ABCA10: variants seen among roughly 807,000 people sequenced by gnomAD.
The protein encoded by ABCA10 is ATP binding cassette subfamily A member 10, also known as ATP-binding cassette sub-family A member 10.
Under a neutral mutation model 187.5 loss-of-function variants are expected in ABCA10, and 169 were observed. That is an observed-to-expected ratio of 0.90 (90% CI 0.80 to 1.02). ABCA10 has a LOEUF of 1.02. ABCA10 is among the 50% of genes least tolerant of loss of function. ABCA10 has a pLI of 0.00. For missense variants in ABCA10, 1,727 were observed against 1,812.4 expected, an observed-to-expected ratio of 0.95 and a Z score of 0.86; for synonymous variants, 574 against 601.8, an observed-to-expected ratio of 0.95 and a Z score of 0.68.
chr17:69,163,688 G>T (rs552342106), intron 27 of ABCA10, among the ~76,000 whole-genome samples: 1 of 152,142 alleles, frequency 6.6e-6, no homozygotes, highest in African/African-American at 2.4e-5. Context: ...CGCTTTCATT[G>T]TCTTTCCCCA....
chr17:69,223,770 G>C (rs2074770799), intron 3 of ABCA10: 2 of 370,320 alleles, frequency 5.4e-6, no homozygotes, highest in African/African-American at 4.4e-5. Context: ...AAAAGCAAGA[G>C]TTAGATAAAT....
chr17:69,232,913 T>C (rs1298772240), upstream of ABCA10: 1 of 152,256 alleles, frequency 6.6e-6, no homozygotes, highest in Non-Finnish European at 1.5e-5. Flanking sequence ...AGGTTTCTGC[T>C]GGAAAAGTCT....
At chr17:69,179,176 C>G (rs2074359164) in intron 22 of ABCA10, among the ~76,000 whole-genome samples, 1 of 145,026 alleles carries the variant, frequency 6.9e-6, no homozygotes, top group Admixed American at 7.3e-5. Context: ...GAGCAAAACT[C>G]CATCTCAAAA....
In ABCA10 at chr17:69,153,465, C is replaced by G; in HGVS notation, c.4041+6G>C. 6.2e-7 allele frequency: 1 copy of G among 1,614,108 alleles called. No homozygotes were observed. Among genetic ancestry groups the G allele is most frequent in the Non-Finnish European group, 8.5e-7 (1 of 1,180,012 alleles). On this transcript the variant is annotated splice_donor_region_variant and intron_variant, in intron 33 of 38. Transcript: ENST00000690296. The stretch of plus-strand genomic sequence containing the variant: ...TGCACAGGGAAACCCCGAGCCTGGC[C>G]CATACCTTTCTCTTTATTCCCTCTG...
rs755452644 is a variant in ABCA10, at chr17:69,149,094, T to G, written c.4478-6A>C. ...CAGGTTGAAGGTCTGTTTCACTGCATGTAAAGAGACTGACATTAGTGGCTT... is the reference window on the plus strand; with the variant it reads ...CAGGTTGAAGGTCTGTTTCACTGCAGGTAAAGAGACTGACATTAGTGGCTT... On this transcript the variant is annotated splice_polypyrimidine_tract_variant and splice_region_variant and intron_variant, in intron 37 of 38. Transcript: ENST00000690296. 3.1e-6 allele frequency: 5 copies of G among 1,613,702 alleles called. No individual in the cohort carries two copies. Among genetic ancestry groups the G allele is most frequent in the Admixed American group, 3.3e-5 (2 of 59,990 alleles).
intron 6 of ABCA10, among the ~76,000 whole-genome samples, chr17:69,218,045 A>G (rs1389963603): frequency 6.6e-6 from 1 of 152,172 alleles, no homozygotes; most frequent in Non-Finnish European, 1.5e-5. Context: ...GTTTGAGGTA[A>G]TGGATATTCC....
chr17:69,195,324 T>C (rs955417870), intron 11 of ABCA10, among the ~76,000 whole-genome samples: 9 of 152,164 alleles, frequency 5.9e-5, no homozygotes, highest in Middle Eastern at 6.8e-3. Flanking sequence ...AGGTCAAAGA[T>C]TATAAACCGG....
At position 69,214,847 on chromosome 17, in the gene ABCA10, G is replaced by A. The variant is rs201412320; in HGVS notation, c.863C>T (p.Thr288Ile). ...ACCACTTAAGTAATTATCCAGGTGT[G>A]TAATCTGAGATTTAAAAGAAAAAAT... The part of the protein sequence containing the change: ...FAFTAGMAQI[T>I]HLDNYLSGVI... Residue 288 changes from threonine to isoleucine, a missense_variant, in exon 9 of 39, where the codon ACA becomes ATA. Thr to Ile is a moderately conservative substitution (Grantham distance 89). Transcript: ENST00000690296. 3 of 1,488,032 alleles carry A rather than the reference G, an allele frequency of 2.0e-6. No homozygotes were observed. The highest frequency in any genetic ancestry group is 5.4e-5 in the East Asian group (2 of 37,358). 92.2% of individuals were successfully genotyped at this position (1,488,032 alleles called of 1,614,324 possible).
Position 69,217,301 on chromosome 17 carries a change from T to G in ABCA10, c.531-943A>C, listed in dbSNP as rs9898078. Among the ~76,000 whole-genome samples the G allele has an allele frequency of 6.8e-3, 1,034 of 151,992 alleles. 14 individuals carry two copies. The highest frequency in any genetic ancestry group is 0.024 in the African/African-American group (992 of 41,476). On this transcript the variant is annotated intron_variant, in intron 6 of 38. Coordinates refer to ENST00000690296, the MANE Select transcript of ABCA10 (RefSeq NM_001377321.1). ...GATGATTATAGTTGTATAACTGTGA[T>G]TGAATGTCGGAGTAGCCAAAACATT...
chr17:69,153,951 A>G lies in ABCA10; in HGVS notation c.3845T>C (p.Phe1282Ser). The G allele has an allele frequency of 6.2e-7, 1 of 1,614,100 alleles. No individual in the cohort carries two copies. The highest frequency in any genetic ancestry group is 8.5e-7 in the Non-Finnish European group (1 of 1,179,980). ...VRQQHDNSLK[F>S]LGYCPQENSL... is the part of the protein sequence containing the mutation. ...GTTCTCCTGAGGGCAGTACCCCAAG[A>G]ACTTGAGGCTGTTGTCATGCTGTTG... Residue 1282 changes from phenylalanine to serine, a missense_variant, in exon 32 of 39, where the codon TTC becomes TCC. Physicochemically the swap from Phe to Ser is radical, Grantham distance 155 (BLOSUM62 -2). Coordinates refer to ENST00000690296, the MANE Select transcript of ABCA10 (RefSeq NM_001377321.1).
At chr17:69,164,239 A>T in intron 26 of ABCA10, 85 bp from the exon 27 acceptor site, 1 of 1,090,106 alleles carries the variant, frequency 9.2e-7, no homozygotes, top group Non-Finnish European at 1.3e-6. Context: ...ATTATACTTG[A>T]TGTTCTATGG....
intron 11 of ABCA10, among the ~76,000 whole-genome samples, chr17:69,195,098 T>C (rs1203552895): frequency 6.6e-6 from 1 of 152,186 alleles, no homozygotes; most frequent in South Asian, 2.1e-4. Context: ...GCTTGACAAC[T>C]TTTTCTTTAA....
intron 25 of ABCA10, among the ~76,000 whole-genome samples, chr17:69,169,683 T>C (rs2074281968): frequency 6.6e-6 from 1 of 152,132 alleles, no homozygotes; most frequent in African/African-American, 2.4e-5. Flanking sequence ...AGGCCAGGAA[T>C]AGTCTTGATT....
intron 9 of ABCA10, among the ~76,000 whole-genome samples, chr17:69,207,298 A>C (rs1476726426): frequency 6.6e-6 from 1 of 152,224 alleles, no homozygotes; most frequent in Non-Finnish European, 1.5e-5. Context: ...GTGAAAATGT[A>C]AATTAGTACA....
intron 18 of ABCA10, among the ~76,000 whole-genome samples, chr17:69,189,951 T>C (rs1465950896): frequency 1.3e-5 from 2 of 151,758 alleles, no homozygotes; most frequent in African/African-American, 4.8e-5. Context: ...CTTATTTTAT[T>C]ACTTCTTATT....
chr17:69,168,262 G>C (rs1241186538), intron 25 of ABCA10, among the ~76,000 whole-genome samples: 1 of 152,138 alleles, frequency 6.6e-6, no homozygotes, highest in African/African-American at 2.4e-5. Context: ...AGTTACACAT[G>C]AATTTTCAAT....
intron 6 of ABCA10, among the ~76,000 whole-genome samples, chr17:69,218,346 G>A (rs1284575642): frequency 6.6e-6 from 1 of 151,880 alleles, no homozygotes; most frequent in African/African-American, 2.4e-5. Context: ...TGTTTTCTTA[G>A]GTTTGATTTC....
At chr17:69,198,058 C>T (rs1033036667) in intron 10 of ABCA10, among the ~76,000 whole-genome samples, 1 of 152,126 alleles carries the variant, frequency 6.6e-6, no homozygotes, top group Non-Finnish European at 1.5e-5. Context: ...CCCAGGAACT[C>T]AAGCTAAGAG....
chr17:69,187,525 A>G (rs556640702), intron 19 of ABCA10, among the ~76,000 whole-genome samples, 156 bp downstream of exon 19: 1 of 152,314 alleles, frequency 6.6e-6, no homozygotes, highest in Non-Finnish European at 1.5e-5. Flanking sequence ...CTTCTAGCAC[A>G]TGAGGCAGTC....
Sources: allele counts gnomAD v4.1 joint callset (sites outside exome capture counted in the v4.1 genomes callset), GRCh38; gene constraint gnomAD v4.1.1; transcripts MANE v1.5; gene names NCBI Gene and HGNC (gene_info 2026-07-23, HGNC 2026-07-21).